TTC23: variants seen among roughly 807,000 people sequenced by gnomAD.
TTC23 encodes the protein tetratricopeptide repeat domain 23.
In TTC23, 58 loss-of-function variants were observed where a neutral mutation model predicts 55.1. The ratio of observed to expected loss-of-function variants is 1.05; its 90% confidence interval spans 0.85 to 1.31. The LOEUF (loss-of-function observed/expected upper bound fraction) is 1.31. Among genes scored for constraint, TTC23 ranks in the 50% most tolerant of loss-of-function variants. TTC23 has a pLI of 0.00. For synonymous variants in TTC23, 203 were observed against 199.9 expected (o/e 1.02, Z -0.13); for missense variants, 516 against 534.4 (o/e 0.97, Z 0.34).
At chr15:99,156,812 G>A (rs923216100) in intron 11 of TTC23, among the ~76,000 whole-genome samples, 1 of 152,150 alleles carries the variant, frequency 6.6e-6, no homozygotes, top group East Asian at 1.9e-4. Flanking sequence ...GAAACAACAC[G>A]AATGTGAGGA....
intron 10 of TTC23, 21 bp downstream of exon 10, chr15:99,175,029 A>G (rs1266401646): frequency 6.2e-7 from 1 of 1,607,486 alleles, no homozygotes; most frequent in African/African-American, 1.3e-5. Context: ...TGAGACAGGA[A>G]GAGAAAAGGA....
At position 99,191,631 on chromosome 15, in the gene TTC23, C is replaced by T. The variant is rs139051745; in HGVS notation, c.759+8288G>A. 2.5e-3 allele frequency among the ~76,000 whole-genome samples: 385 copies of T among 152,302 alleles called. 5 individuals carry two copies. Among genetic ancestry groups the T allele is most frequent in the Non-Finnish European group, 2.9e-3 (195 of 68,030 alleles). ...CTTCTACCATGATTGTGAGGCTTCC[C>T]CAGCCACGTGGAACTGTCAGTCCAA... On this transcript the variant is annotated intron_variant, in intron 9 of 13. Coordinates refer to ENST00000394132, the MANE Select transcript of TTC23 (RefSeq NM_001288615.3).
chr15:99,232,112 A>G (rs967394565), intron 4 of TTC23, among the ~76,000 whole-genome samples: 2 of 152,076 alleles, frequency 1.3e-5, no homozygotes, highest in Non-Finnish European at 2.9e-5. Context: ...TTTTAACAAA[A>G]AAGTTTAAAA....
intron 13 of TTC23, 190 bp downstream of exon 13, chr15:99,139,127 T>C: frequency 1.3e-6 from 1 of 749,992 alleles, no homozygotes; most frequent in East Asian, 2.7e-5. Flanking sequence ...GATGAATTAT[T>C]TTTAAATACC....
intron 11 of TTC23, chr15:99,160,899 A>C (rs2071277594): frequency 6.6e-6 from 1 of 151,682 alleles, no homozygotes; most frequent in South Asian, 2.1e-4. Flanking sequence ...CTGTAATCCC[A>C]GCTACTCGGG....
chr15:99,207,729 C>T (rs1401025584), intron 8 of TTC23, among the ~76,000 whole-genome samples: 1 of 152,114 alleles, frequency 6.6e-6, no homozygotes, highest in African/African-American at 2.4e-5. Flanking sequence ...TGCACTCCAC[C>T]CTGGGTGACA....
At chr15:99,209,958 T>C (rs772751028) in intron 8 of TTC23, among the ~76,000 whole-genome samples, 47 of 152,140 alleles carry the variant, frequency 3.1e-4, no homozygotes, top group African/African-American at 1.0e-3. Context: ...GGTTTTGCCA[T>C]GTTGCCCAAG....
intron 8 of TTC23, among the ~76,000 whole-genome samples, chr15:99,214,225 C>T (rs1040508480): frequency 2.6e-5 from 4 of 151,902 alleles, no homozygotes; most frequent in East Asian, 1.9e-4. Flanking sequence ...GAGATCCTCC[C>T]GGCCGGGTGC....
intron 10 of TTC23, among the ~76,000 whole-genome samples, chr15:99,170,352 G>T: frequency 6.6e-6 from 1 of 152,244 alleles, no homozygotes; most frequent in South Asian, 2.1e-4. Flanking sequence ...AAGCAGGCAG[G>T]CTACAGAGAA....
At chr15:99,242,520 CCAGA>C (rs1655909584) in intron 2 of TTC23, among the ~76,000 whole-genome samples, 1 of 152,056 alleles carries the variant, frequency 6.6e-6, no homozygotes, top group Admixed American at 6.6e-5. Context: ...GATACCAAAG[CCAGA>C]CAAAGACATC....
intron 2 of TTC23, among the ~76,000 whole-genome samples, chr15:99,242,713 A>G (rs1049150163): frequency 6.6e-6 from 1 of 152,222 alleles, no homozygotes; most frequent in Non-Finnish European, 1.5e-5. Context: ...TACACTATAC[A>G]GTAGAATGTG....
intron 4 of TTC23, among the ~76,000 whole-genome samples, chr15:99,232,948 C>G (rs1332821640): frequency 2.0e-5 from 3 of 152,150 alleles, no homozygotes; most frequent in Admixed American, 1.3e-4. Context: ...TGGAATACTA[C>G]TCAGCCTTAA....
At chr15:99,152,891 A>G (rs2070014964) in intron 12 of TTC23, among the ~76,000 whole-genome samples, 2 of 152,006 alleles carry the variant, frequency 1.3e-5, no homozygotes, top group East Asian at 1.9e-4. Context: ...TCTGCCTCCT[A>G]GGTTCAAGCG....
chr15:99,219,626 G>T (rs2602036), intron 6 of TTC23, among the ~76,000 whole-genome samples: 1 of 151,960 alleles, frequency 6.6e-6, no homozygotes, highest in East Asian at 1.9e-4. Context: ...ATGAAACAAA[G>T]TGGAGCAAAA....
At chr15:99,181,084 G>A (rs2074067531) in intron 9 of TTC23, among the ~76,000 whole-genome samples, 1 of 152,208 alleles carries the variant, frequency 6.6e-6, no homozygotes, top group Non-Finnish European at 1.5e-5. Flanking sequence ...TACAGAAGGG[G>A]AAATTAAGCC....
At chr15:99,148,129 G>A (rs1233401808) in intron 12 of TTC23, among the ~76,000 whole-genome samples, 1 of 151,862 alleles carries the variant, frequency 6.6e-6, no homozygotes, top group Non-Finnish European at 1.5e-5. Flanking sequence ...TTGGGAGGCC[G>A]AGGCAGGTGG....
chr15:99,203,511 CA>C lies in TTC23; in HGVS notation c.582-3416del, dbSNP rs375706007. On this transcript the variant is annotated intron_variant, in intron 8 of 13. Transcript: ENST00000394132. ...CATTCTTTAATTATTTAAAAATATA[CA>C]AAAAAATATTGTTAACTATAGTCAA... 1.0e-3 allele frequency among the ~76,000 whole-genome samples: 154 copies of C among 151,846 alleles called. 4 individuals carry two copies. In the East Asian group the frequency reaches 0.016, roughly 16 times the overall value.
At chr15:99,139,922 C>G in intron 12 of TTC23, 1 of 376,342 alleles carries the variant, frequency 2.7e-6, no homozygotes, top group Non-Finnish European at 4.8e-6. Flanking sequence ...CTTCTGCTTA[C>G]TTTAAGTCTT....
chr15:99,218,502 G>A (rs2077648968), intron 8 of TTC23, 86 bp downstream of exon 8: 1 of 1,564,544 alleles, frequency 6.4e-7, no homozygotes, highest in Non-Finnish European at 8.7e-7. Flanking sequence ...GCAGCCTCAT[G>A]GAGATGCTCC....
Sources: gnomAD v4.1 joint callset for allele counts (sites outside exome capture counted in the v4.1 genomes callset) on GRCh38, gnomAD v4.1.1 for gene constraint, MANE v1.5 for transcripts, NCBI Gene and HGNC (gene_info 2026-07-23, HGNC 2026-07-21) for gene names.